Variants in TMCC1 observed in about 807,000 individuals in gnomAD.
The protein encoded by TMCC1 is transmembrane and coiled-coil domains protein 1.
A neutral mutation model predicts 52.4 loss-of-function variants in TMCC1; 15 were observed. That is an observed-to-expected ratio of 0.29 (90% CI 0.19 to 0.44). The LOEUF (loss-of-function observed/expected upper bound fraction) is 0.44. TMCC1 is among the 20% of genes least tolerant of loss of function. The pLI is 1.00. For missense variants in TMCC1, 503 were observed against 806.0 expected, an observed-to-expected ratio of 0.62 and a Z score of 4.55; for synonymous variants, 279 against 301.9, an observed-to-expected ratio of 0.92 and a Z score of 0.79.
At chr3:129,740,805 T>G (rs1200802700) in intron 4 of TMCC1, among the ~76,000 whole-genome samples, 1 of 152,212 alleles carries the variant, frequency 6.6e-6, no homozygotes. Flanking sequence ...CTCACTGGTC[T>G]TCTTTCTTTG....
At chr3:129,695,096 C>CA (rs11291309) in intron 4 of TMCC1, among the ~76,000 whole-genome samples, 3,110 of 35,226 alleles carry the variant, frequency 0.088, 1,020 homozygotes, top group African/African-American at 0.24. Flanking sequence ...GACTCTGTCT[C>CA]AAAAAAAAAA....
At chr3:129,818,379 T>C (rs1434737933) in intron 4 of TMCC1, among the ~76,000 whole-genome samples, 3 of 151,888 alleles carry the variant, frequency 2.0e-5, no homozygotes, top group Non-Finnish European at 4.4e-5. Flanking sequence ...AAGAAACTTT[T>C]TAAATTTTCT....
At chr3:129,798,389 A>AAGAAGGAT (rs2056981673) in intron 4 of TMCC1, among the ~76,000 whole-genome samples, 1 of 152,110 alleles carries the variant, frequency 6.6e-6, no homozygotes, top group South Asian at 2.1e-4. Flanking sequence ...CTAGGAATGT[A>AAGAAGGAT]AGAAGGATTC....
At chr3:129,820,537 T>C (rs1270590326) in intron 4 of TMCC1, among the ~76,000 whole-genome samples, 1 of 151,962 alleles carries the variant, frequency 6.6e-6, no homozygotes, top group Non-Finnish European at 1.5e-5. Context: ...ATATATTAGA[T>C]TTGTCTAACA....
chr3:129,846,524 T>A (rs2107886296), intron 2 of TMCC1, among the ~76,000 whole-genome samples: 1 of 152,294 alleles, frequency 6.6e-6, no homozygotes, highest in South Asian at 2.1e-4. Context: ...TTCTTGTGCT[T>A]CTATTTTATA....
At chr3:129,760,454 C>CTGTCTGTGTG (rs2053454211) in intron 4 of TMCC1, among the ~76,000 whole-genome samples, 2 of 128,978 alleles carry the variant, frequency 1.6e-5, no homozygotes, top group Non-Finnish European at 3.3e-5. Context: ...CAGTCTCGCT[C>CTGTCTGTGTG]TGTGTGTGTG....
intron 4 of TMCC1, among the ~76,000 whole-genome samples, chr3:129,736,594 T>A (rs2050988920): frequency 1.3e-5 from 2 of 151,298 alleles, no homozygotes; most frequent in African/African-American, 4.9e-5. Context: ...CAATCTCGGC[T>A]CACTGCCACC....
chr3:129,813,875 T>C, intron 4 of TMCC1, among the ~76,000 whole-genome samples: 1 of 152,220 alleles, frequency 6.6e-6, no homozygotes, highest in Non-Finnish European at 1.5e-5. Flanking sequence ...AGTACTTATA[T>C]ATGTTAAAGG....
chr3:129,679,534 G>C (rs2088784981), intron 4 of TMCC1, among the ~76,000 whole-genome samples: 1 of 152,040 alleles, frequency 6.6e-6, no homozygotes, highest in South Asian at 2.1e-4. Context: ...TTGAACTCCT[G>C]ACCTCGTGAT....
intron 4 of TMCC1, among the ~76,000 whole-genome samples, chr3:129,693,267 C>T (rs2047156384): frequency 6.6e-6 from 1 of 151,990 alleles, no homozygotes; most frequent in African/African-American, 2.4e-5. Context: ...CACAATAATT[C>T]TCTGGCTTTA....
rs552388255 is a variant in TMCC1, at chr3:129,654,854, T to C, written c.1647+114A>G. 1.4e-3 allele frequency: 2,012 copies of C among 1,392,640 alleles called. 7 individuals carry two copies. Among genetic ancestry groups the C allele is most frequent in the Non-Finnish European group, 1.3e-3 (1,326 of 1,024,396 alleles). 86.3% of individuals were successfully genotyped at this position (1,392,640 alleles called of 1,614,324 possible). A position where few individuals can be genotyped will look rare whatever the true frequency, so the allele number is the denominator to read the frequency against. ...AAGAGTAGGTATACTCTTACACAGT[T>C]GGTATAAGCTTTTCTTTGTTCTCTA... On this transcript the variant is annotated intron_variant, in intron 6 of 6. Transcript: ENST00000393238.
chr3:129,693,499 T>C (rs1020289164), intron 4 of TMCC1, among the ~76,000 whole-genome samples: 5 of 137,348 alleles, frequency 3.6e-5, no homozygotes, highest in Non-Finnish European at 7.8e-5. Context: ...TTCCCCAAGA[T>C]TGAATTTTTT....
At chr3:129,805,250 C>A (rs745765477) in intron 4 of TMCC1, among the ~76,000 whole-genome samples, 26 of 152,118 alleles carry the variant, frequency 1.7e-4, no homozygotes, top group Non-Finnish European at 1.0e-4. Flanking sequence ...GCAGCCTCAA[C>A]CTCCTGGGCT....
intron 4 of TMCC1, chr3:129,688,807 A>G: frequency 2.1e-6 from 2 of 938,000 alleles, no homozygotes; most frequent in Non-Finnish European, 2.5e-6. Context: ...CATCTTTTAT[A>G]AAAGACAAAA....
chr3:129,765,279 A>G (rs2054033618), intron 4 of TMCC1, among the ~76,000 whole-genome samples: 1 of 152,140 alleles, frequency 6.6e-6, no homozygotes, highest in African/African-American at 2.4e-5. Context: ...ATTTGGTAAT[A>G]GTAGAGGAAA....
chr3:129,835,979 A>T (rs185956903), intron 2 of TMCC1, among the ~76,000 whole-genome samples: 150 of 151,972 alleles, frequency 9.9e-4, no homozygotes, highest in Middle Eastern at 3.4e-3. Context: ...ATCAATTTTT[A>T]AAAAAAAATT....
At chr3:129,660,007 T>C (rs2086916355) in intron 5 of TMCC1, among the ~76,000 whole-genome samples, 1 of 152,158 alleles carries the variant, frequency 6.6e-6, no homozygotes, top group African/African-American at 2.4e-5. Flanking sequence ...ATACATTTGG[T>C]TTCATTTTTC....
intron 5 of TMCC1, among the ~76,000 whole-genome samples, chr3:129,658,806 G>C (rs1426277402): frequency 6.6e-6 from 1 of 152,196 alleles, no homozygotes; most frequent in Non-Finnish European, 1.5e-5. Flanking sequence ...TGAGGGGGTA[G>C]CTTGTTCTTT....
At chr3:129,763,204 T>A (rs866858947) in intron 4 of TMCC1, among the ~76,000 whole-genome samples, 1,642 of 105,818 alleles carry the variant, frequency 0.016, 49 homozygotes, top group African/African-American at 0.018. Context: ...TCTCAAAAAA[T>A]AAAAAATAAA....
Sources: gnomAD v4.1 joint callset for allele counts (sites outside exome capture counted in the v4.1 genomes callset) on GRCh38, gnomAD v4.1.1 for gene constraint, MANE v1.5 for transcripts, NCBI Gene and HGNC (gene_info 2026-07-23, HGNC 2026-07-21) for gene names.